The following ERICH1 variants were observed in gnomAD, a reference collection of about 807,000 sequenced individuals.
ERICH1 encodes glutamate rich 1, also known as glutamate-rich protein 1.
In ERICH1, 56 loss-of-function variants were observed where a neutral mutation model predicts 39.6. The ratio of observed to expected loss-of-function variants is 1.41; its 90% confidence interval spans 1.14 to 1.77. ERICH1 has a LOEUF of 1.77. ERICH1 is among the 40% of genes most tolerant of loss of function. The probability of loss-of-function intolerance (pLI) is 0.00; values close to 1 mark genes in which losing one functional copy is unlikely to be tolerated. For synonymous variants in ERICH1, 313 were observed against 223.6 expected, an observed-to-expected ratio of 1.40 and a Z score of -3.57; for missense variants, 826 against 575.4, an observed-to-expected ratio of 1.44 and a Z score of -4.45.
At chr8:634,663 A>C (rs1258914753) in intron 3 of ERICH1, among the ~76,000 whole-genome samples, 1 of 152,030 alleles carries the variant, frequency 6.6e-6, no homozygotes, top group Non-Finnish European at 1.5e-5. Context: ...ACCAGCCCCC[A>C]CGATGGGTGG....
rs1355401741 is a variant in ERICH1 at position 646,945 on chromosome 8, C to T, written c.976+21653G>A. 2.9e-4 allele frequency among the ~76,000 whole-genome samples: 20 copies of T among 69,094 alleles called. 9 individuals carry two copies. Among genetic ancestry groups the T allele is most frequent in the East Asian group, 2.1e-3 (7 of 3,350 alleles). The allele number at this position is 69,094 out of a possible 152,430, so 45.3% of individuals were successfully genotyped here. ...AGAAGTCATGTGGCAAAGCAATTCACGCCAGTTAATCTGTGCCGAGGGCCT... is the reference window on the plus strand; with the variant it reads ...AGAAGTCATGTGGCAAAGCAATTCATGCCAGTTAATCTGTGCCGAGGGCCT... On this transcript the variant is annotated intron_variant, in intron 3 of 3. Coordinates refer to the ERICH1 transcript ENST00000522706.
chr8:688,470 T>TC (rs1808160917), intron 3 of ERICH1, among the ~76,000 whole-genome samples: 1 of 151,534 alleles, frequency 6.6e-6, no homozygotes, highest in Non-Finnish European at 1.5e-5. Context: ...CAAAGGAGCC[T>TC]CCCCAGCTAG....
chr8:720,392 A>C (rs1223928179), intron 1 of ERICH1, among the ~76,000 whole-genome samples: 1 of 152,234 alleles, frequency 6.6e-6, no homozygotes, highest in Non-Finnish European at 1.5e-5. Context: ...ACAGACACAC[A>C]GGATAACAAA....
chr8:704,623 T>G (rs1452449796), intron 2 of ERICH1, among the ~76,000 whole-genome samples: 1 of 152,088 alleles, frequency 6.6e-6, no homozygotes, highest in Non-Finnish European at 1.5e-5. Flanking sequence ...TGTACAAACA[T>G]TTTGAAAAAA....
At chr8:689,558 A>G (rs1420575598) in intron 3 of ERICH1, among the ~76,000 whole-genome samples, 1 of 152,208 alleles carries the variant, frequency 6.6e-6, no homozygotes, top group Non-Finnish European at 1.5e-5. Context: ...CAGGAGCAGG[A>G]AGGTGCACCA....
downstream of ERICH1, among the ~76,000 whole-genome samples, chr8:660,577 C>T (rs1034141812): frequency 6.6e-6 from 1 of 152,258 alleles, no homozygotes; most frequent in Non-Finnish European, 1.5e-5. Context: ...AATCCCCACC[C>T]AAAGACACTG....
chr8:672,352 A>G (rs1803625463), intron 4 of ERICH1: 1 of 152,258 alleles, frequency 6.6e-6, no homozygotes, highest in South Asian at 2.1e-4. Flanking sequence ...AACACGCTAA[A>G]GAGGAAGAGG....
intron 2 of ERICH1, among the ~76,000 whole-genome samples, chr8:709,364 A>G (rs1814169116): frequency 1.3e-5 from 2 of 152,202 alleles, no homozygotes; most frequent in African/African-American, 4.8e-5. Flanking sequence ...CAGCATCTGC[A>G]CCCTCACCCT....
chr8:626,865 G>T, intron 3 of ERICH1: 1 of 296,118 alleles, frequency 3.4e-6, no homozygotes, highest in Non-Finnish European at 7.0e-6. Flanking sequence ...TCCAGGGAGA[G>T]CTAAGGAAAT....
At chr8:687,925 C>A (rs989991401) in intron 3 of ERICH1, among the ~76,000 whole-genome samples, 2 of 152,114 alleles carry the variant, frequency 1.3e-5, no homozygotes, top group East Asian at 3.9e-4. Context: ...CCAGGTTTCC[C>A]GAGCAGGGTC....
chr8:660,407 T>C (rs565313395), downstream of ERICH1, among the ~76,000 whole-genome samples: 15 of 152,310 alleles, frequency 9.8e-5, no homozygotes, highest in Middle Eastern at 3.4e-3. Context: ...GGCTGCCAGG[T>C]TGGAGGGGCC....
At chr8:695,106 T>C (rs950367920) in intron 2 of ERICH1, among the ~76,000 whole-genome samples, 4 of 142,192 alleles carry the variant, frequency 2.8e-5, no homozygotes, top group African/African-American at 5.1e-5. Flanking sequence ...GCAGGTGTCA[T>C]TGACCTGGCT....
rs1273066277 is a variant in ERICH1, at chr8:700,446, C to CG, written c.170-7835_170-7834insC. Among the ~76,000 whole-genome samples the CG allele has an allele frequency of 4.9e-4, 18 of 37,024 alleles. 5 individuals are homozygous for CG. Among genetic ancestry groups the CG allele is most frequent in the South Asian group, 2.2e-3 (2 of 896 alleles). The allele number at this position is 37,024 out of a possible 152,430, so 24.3% of individuals were successfully genotyped here. A position where few individuals can be genotyped will look rare whatever the true frequency, so the allele number is the denominator to read the frequency against. On this transcript the variant is annotated intron_variant, in intron 2 of 5. Coordinates refer to ENST00000262109, the MANE Select transcript of ERICH1 (RefSeq NM_207332.3). ...GCAGACGCGCACAGGCCCTCACAGG[C>CG]CACAGACCCGCACAGGCGCACAGAC...
At chr8:639,669 C>A (rs11778446) in intron 3 of ERICH1, among the ~76,000 whole-genome samples, 3 of 112,274 alleles carry the variant, frequency 2.7e-5, no homozygotes, top group African/African-American at 7.0e-5. Context: ...AGGCAGCCAC[C>A]AATCCAGTTA....
At chr8:724,395 C>T (rs1326890355) in intron 1 of ERICH1, among the ~76,000 whole-genome samples, 1 of 152,222 alleles carries the variant, frequency 6.6e-6, no homozygotes, top group African/African-American at 2.4e-5. Flanking sequence ...CAGCATTTGT[C>T]GTATCACGAA....
intron 3 of ERICH1, among the ~76,000 whole-genome samples, chr8:683,875 A>G (rs1318972067): frequency 1.3e-5 from 2 of 152,224 alleles, no homozygotes; most frequent in Non-Finnish European, 2.9e-5. Flanking sequence ...ATTATTTCAT[A>G]ATCTTCAACA....
At chr8:682,323 C>T (rs1045003310) in intron 3 of ERICH1, among the ~76,000 whole-genome samples, 2 of 152,218 alleles carry the variant, frequency 1.3e-5, no homozygotes, top group Admixed American at 6.5e-5. Context: ...CAAAATAAGA[C>T]AGTTGGCTCA....
intron 3 of ERICH1, among the ~76,000 whole-genome samples, chr8:688,741 C>T (rs1808231110): frequency 6.6e-6 from 1 of 152,144 alleles, no homozygotes; most frequent in African/African-American, 2.4e-5. Context: ...GAAACAACTG[C>T]TACTGAATAA....
chr8:699,725 ACT>A (rs1811276838), intron 2 of ERICH1, among the ~76,000 whole-genome samples: 1 of 139,872 alleles, frequency 7.1e-6, no homozygotes, highest in Admixed American at 7.0e-5. Flanking sequence ...ACGTGCACAG[ACT>A]CACAGGCGCA....
Sources: gnomAD v4.1 joint callset for allele counts (sites outside exome capture counted in the v4.1 genomes callset) on GRCh38, gnomAD v4.1.1 for gene constraint, MANE v1.5 for transcripts, NCBI Gene and HGNC (gene_info 2026-07-23, HGNC 2026-07-21) for gene names.